Variants in TANK observed in about 807,000 individuals in gnomAD.
TANK encodes TRAF family member-associated NF-kappa-B activator.
A neutral mutation model predicts 43.6 loss-of-function variants in TANK; 15 were observed. The observed-to-expected ratio is 0.34, with a 90% CI of 0.23 to 0.53. The LOEUF is 0.53. Among genes scored for constraint, TANK ranks in the 20% least tolerant of loss-of-function variants. TANK has a pLI of 0.94. For missense variants in TANK, 417 were observed against 498.6 expected (o/e 0.84, Z 1.56); for synonymous variants, 162 against 178.2 (o/e 0.91, Z 0.73).
At chr2:161,175,820 A>G (rs1685150573) in intron 1 of TANK, among the ~76,000 whole-genome samples, 1 of 152,092 alleles carries the variant, frequency 6.6e-6, no homozygotes, top group African/African-American at 2.4e-5. Context: ...CTGGGTAGGA[A>G]AAAAGGAATT....
intron 2 of TANK, among the ~76,000 whole-genome samples, chr2:161,196,044 T>A (rs1441028772): frequency 6.6e-6 from 1 of 152,074 alleles, no homozygotes; most frequent in Non-Finnish European, 1.5e-5. Context: ...TAGATCACGC[T>A]GCTGCACTCC....
intron 4 of TANK, among the ~76,000 whole-genome samples, chr2:161,205,686 A>T (rs1686621108): frequency 6.6e-6 from 1 of 152,194 alleles, no homozygotes; most frequent in Admixed American, 6.5e-5. Context: ...AAATATACTA[A>T]ATATATATTA....
intron 1 of TANK, among the ~76,000 whole-genome samples, chr2:161,169,266 C>T (rs1032770467): frequency 8.6e-5 from 13 of 152,004 alleles, no homozygotes; most frequent in Admixed American, 5.9e-4. Context: ...GAATACCTGA[C>T]GTGTCTGAAT....
At chr2:161,215,442 A>G (rs1319582353) in intron 4 of TANK, among the ~76,000 whole-genome samples, 1 of 152,150 alleles carries the variant, frequency 6.6e-6, no homozygotes, top group Non-Finnish European at 1.5e-5. Context: ...AAATTAATCT[A>G]TATTAAGTCT....
intron 2 of TANK, among the ~76,000 whole-genome samples, chr2:161,192,111 C>T (rs1477783749): frequency 6.6e-6 from 1 of 151,968 alleles, no homozygotes; most frequent in Non-Finnish European, 1.5e-5. Context: ...CTTACATGAA[C>T]CTTCTCATTT....
intron 3 of TANK, among the ~76,000 whole-genome samples, chr2:161,204,343 T>C (rs1162950419): frequency 6.6e-6 from 1 of 152,202 alleles, no homozygotes; most frequent in Non-Finnish European, 1.5e-5. Flanking sequence ...CAAATAATTA[T>C]CTTAAATAAG....
intron 1 of TANK, among the ~76,000 whole-genome samples, chr2:161,144,524 G>T (rs760701783): frequency 5.9e-5 from 9 of 152,086 alleles, no homozygotes; most frequent in Non-Finnish European, 1.0e-4. Context: ...TAGTTTCAAA[G>T]AACTTCTTGA....
At chr2:161,206,559 A>AC (rs1686662665) in intron 4 of TANK, among the ~76,000 whole-genome samples, 1 of 152,066 alleles carries the variant, frequency 6.6e-6, no homozygotes, top group African/African-American at 2.4e-5. Context: ...TTCTCTTGGT[A>AC]CCCCTTAGTA....
At chr2:161,212,157 C>A (rs1013476405) in intron 4 of TANK, 1 of 324,586 alleles carries the variant, frequency 3.1e-6, no homozygotes, top group African/African-American at 2.3e-5. Flanking sequence ...ACCTCCCAGG[C>A]TCAAGTGAAT....
chr2:161,170,119 A>C lies in TANK; in HGVS notation c.-49-9495A>C, dbSNP rs540760971. 6.6e-4 allele frequency among the ~76,000 whole-genome samples: 100 copies of C among 152,252 alleles called. 1 individual carries two copies. Among genetic ancestry groups the C allele is most frequent in the Middle Eastern group, 3.4e-3 (1 of 294 alleles). On this transcript the variant is annotated intron_variant, in intron 1 of 7. Coordinates refer to ENST00000392749, the MANE Select transcript of TANK (RefSeq NM_001199135.3). Reference sequence around the variant, plus strand: ...TCTTTGAGATCTATCTTGTCTCTCAACTATCTGTAGATAGTTTGAGAATTG... The same window carrying C: ...TCTTTGAGATCTATCTTGTCTCTCACCTATCTGTAGATAGTTTGAGAATTG...
At chr2:161,200,455 T>A (rs1686353216) in intron 2 of TANK, 2 of 965,930 alleles carry the variant, frequency 2.1e-6, no homozygotes, top group Non-Finnish European at 2.5e-6. Context: ...AAATAGCAAA[T>A]AAACCAAGTT....
rs1320980351 is a variant in TANK, at chr2:161,221,022, C to G, written c.328-2893C>G. 2.6e-5 allele frequency among the ~76,000 whole-genome samples: 4 copies of G among 152,200 alleles called. No individual in the cohort carries two copies. In the East Asian group the frequency reaches 7.7e-4, roughly 29 times the overall value. On this transcript the variant is annotated intron_variant, in intron 4 of 7. Coordinates refer to ENST00000392749, the MANE Select transcript of TANK (RefSeq NM_001199135.3). ...AAGCTTAAATTGACTTACACTAAAT[C>G]AAAATTCTCCCAATTCACATAGGAA...
rs1447377431 is a variant in TANK, at chr2:161,172,386, G to C, written c.-49-7228G>C. On this transcript the variant is annotated intron_variant, in intron 1 of 7. Coordinates refer to ENST00000392749, the MANE Select transcript of TANK (RefSeq NM_001199135.3). ...TTTTTTTTTTTTTTGGGGGTAAAAC[G>C]ATTTTGGCCTAATTGGCCATCCAAG... Among the ~76,000 whole-genome samples, 30 of 134,722 alleles carry C rather than the reference G, an allele frequency of 2.2e-4. No homozygotes were observed. The East Asian group carries it at 6.3e-3, about 28-fold the overall frequency. The allele number at this position is 134,722 out of a possible 152,430, so 88.4% of individuals were successfully genotyped here. A position where few individuals can be genotyped will look rare whatever the true frequency, so the allele number is the denominator to read the frequency against.
intron 2 of TANK, chr2:161,179,984 G>A: frequency 2.5e-6 from 3 of 1,218,174 alleles, no homozygotes; most frequent in Non-Finnish European, 3.1e-6. Context: ...TCCTTTTCAG[G>A]TGATTGTGAA....
chr2:161,156,639 T>G (rs1684234192), upstream of TANK, among the ~76,000 whole-genome samples: 1 of 142,560 alleles, frequency 7.0e-6, no homozygotes, highest in Admixed American at 7.3e-5. Flanking sequence ...GGTTCTTGGC[T>G]CTTCTCATTA....
At chr2:161,200,195 G>T (rs1418471885) in intron 2 of TANK, 1 of 188,984 alleles carries the variant, frequency 5.3e-6, no homozygotes, top group African/African-American at 2.4e-5. Context: ...GCTCTGTACA[G>T]AAGTGTTGAC....
chr2:161,166,808 AAAAAC>A lies in TANK; in HGVS notation c.-50+6332_-50+6336del, dbSNP rs556676309. 9.4e-4 allele frequency among the ~76,000 whole-genome samples: 143 copies of A among 152,266 alleles called. 1 individual carries two copies. Among genetic ancestry groups the A allele is most frequent in the African/African-American group, 2.9e-3 (119 of 41,564 alleles). On this transcript the variant is annotated intron_variant, in intron 1 of 7. Coordinates refer to ENST00000392749, the MANE Select transcript of TANK (RefSeq NM_001199135.3). ...GAAGCTCTGTCTCAAAAAAAAAACAAAAAACAAAACAAAAACACAGAATTTGTCTT... is the reference window on the plus strand; with the variant it reads ...GAAGCTCTGTCTCAAAAAAAAAACAAAAAACAAAAACACAGAATTTGTCTT...
chr2:161,160,233 G>T, upstream of TANK: 1 of 390,256 alleles, frequency 2.6e-6, no homozygotes. Context: ...TTTTTTCTAA[G>T]AGGCGGGGAC....
At chr2:161,210,508 A>G (rs1215693351) in intron 4 of TANK, among the ~76,000 whole-genome samples, 2 of 151,982 alleles carry the variant, frequency 1.3e-5, no homozygotes, top group South Asian at 2.1e-4. Context: ...TCCTAATTAT[A>G]TAACAAAATG....
Sources: gnomAD v4.1 joint callset for allele counts (sites outside exome capture counted in the v4.1 genomes callset) on GRCh38, gnomAD v4.1.1 for gene constraint, MANE v1.5 for transcripts, NCBI Gene and HGNC (gene_info 2026-07-23, HGNC 2026-07-21) for gene names.